ZNF385D: variants seen among roughly 807,000 people sequenced by gnomAD.
ZNF385D encodes zinc finger protein 385D.
A neutral mutation model predicts 35.8 loss-of-function variants in ZNF385D; 15 were observed. The ratio of observed to expected loss-of-function variants is 0.42; its 90% CI spans 0.28 to 0.64. The LOEUF is 0.64. Ranked by LOEUF, ZNF385D falls within the 30% of genes least tolerant of loss-of-function variation. The pLI, the probability that ZNF385D is intolerant of heterozygous loss-of-function variation, is 0.23. For synonymous variants in ZNF385D, 212 were observed against 186.8 expected, an observed-to-expected ratio of 1.13 and a Z score of -1.10; for missense variants, 474 against 494.6, an observed-to-expected ratio of 0.96 and a Z score of 0.39.
chr3:22,260,242 A>C (rs1456062046), intron 2 of ZNF385D, among the ~76,000 whole-genome samples: 1 of 152,052 alleles, frequency 6.6e-6, no homozygotes, highest in African/African-American at 2.4e-5. Flanking sequence ...ACAGGAACAG[A>C]AAACCAAACA....
chr3:21,925,718 C>T (rs1298140965), intron 3 of ZNF385D, among the ~76,000 whole-genome samples: 1 of 151,998 alleles, frequency 6.6e-6, no homozygotes, highest in Non-Finnish European at 1.5e-5. Context: ...TATTTACAAA[C>T]CAGATGTCCA....
chr3:21,641,653 T>A (rs867011232), intron 2 of ZNF385D, among the ~76,000 whole-genome samples: 181 of 140,670 alleles, frequency 1.3e-3, no homozygotes, highest in African/African-American at 4.5e-3. Flanking sequence ...TTTTTTTTTT[T>A]AATATAGAGA....
chr3:22,107,086 G>C (rs1702261461), intron 3 of ZNF385D, among the ~76,000 whole-genome samples: 1 of 144,412 alleles, frequency 6.9e-6, no homozygotes, highest in Non-Finnish European at 1.5e-5. Flanking sequence ...GTGCAATGGA[G>C]TGATCTTGGT....
At chr3:22,188,256 C>T (rs17010983) in intron 2 of ZNF385D, among the ~76,000 whole-genome samples, 1 of 152,128 alleles carries the variant, frequency 6.6e-6, no homozygotes, top group Non-Finnish European at 1.5e-5. Flanking sequence ...TAAGATACTG[C>T]TGGCAACACT....
At chr3:22,272,584 T>C (rs1286535771) in intron 2 of ZNF385D, among the ~76,000 whole-genome samples, 1 of 152,030 alleles carries the variant, frequency 6.6e-6, no homozygotes, top group Non-Finnish European at 1.5e-5. Flanking sequence ...TGATTTAGTT[T>C]AGGTATGGGC....
At chr3:22,178,739 AT>A (rs2125774774) in intron 2 of ZNF385D, among the ~76,000 whole-genome samples, 1 of 152,300 alleles carries the variant, frequency 6.6e-6, no homozygotes, top group South Asian at 2.1e-4. Context: ...TAAGTCTTTA[AT>A]TATCTTGAAT....
intron 3 of ZNF385D, among the ~76,000 whole-genome samples, chr3:21,815,626 C>T (rs933983977): frequency 1.3e-5 from 2 of 152,106 alleles, no homozygotes; most frequent in African/African-American, 2.4e-5. Context: ...CAAGACTAAA[C>T]CAGGAAGAAG....
At chr3:21,697,899 T>G (rs541407107) in intron 1 of ZNF385D, among the ~76,000 whole-genome samples, 1 of 152,272 alleles carries the variant, frequency 6.6e-6, no homozygotes, top group Non-Finnish European at 1.5e-5. Context: ...CACAGTGAGA[T>G]ACCATCTTAC....
At chr3:21,855,272 A>T (rs1376206547) in intron 3 of ZNF385D, among the ~76,000 whole-genome samples, 4 of 152,076 alleles carry the variant, frequency 2.6e-5, no homozygotes, top group African/African-American at 9.7e-5. Flanking sequence ...GCTGATAAAA[A>T]AAATTTTACT....
At chr3:21,680,746 T>G (rs2066872897) in intron 1 of ZNF385D, among the ~76,000 whole-genome samples, 1 of 152,210 alleles carries the variant, frequency 6.6e-6, no homozygotes, top group Non-Finnish European at 1.5e-5. Context: ...GGGGAAATCT[T>G]GATAACAACT....
At chr3:21,555,278 A>G (rs1241797709) in intron 3 of ZNF385D, among the ~76,000 whole-genome samples, 1 of 151,924 alleles carries the variant, frequency 6.6e-6, no homozygotes, top group Non-Finnish European at 1.5e-5. Context: ...CAGGTTTGTT[A>G]CATAGGTATA....
intron 3 of ZNF385D, chr3:21,542,831 C>A (rs1282655204): frequency 1.3e-5 from 2 of 151,976 alleles, no homozygotes. Flanking sequence ...CCCTTTTTTT[C>A]TTCCCGCCGA....
At chr3:22,276,193 T>C (rs1333261463) in intron 2 of ZNF385D, among the ~76,000 whole-genome samples, 1 of 152,148 alleles carries the variant, frequency 6.6e-6, no homozygotes, top group Non-Finnish European at 1.5e-5. Flanking sequence ...TCTTTTAAAG[T>C]GTACATTTCT....
intron 4 of ZNF385D, among the ~76,000 whole-genome samples, chr3:21,449,886 A>G (rs1478947098): frequency 6.6e-6 from 1 of 152,116 alleles, no homozygotes. Flanking sequence ...GTGGACAGAG[A>G]GTGTGTGAGG....
chr3:21,433,753 G>A (rs959443917), intron 5 of ZNF385D, among the ~76,000 whole-genome samples: 3 of 152,094 alleles, frequency 2.0e-5, no homozygotes, highest in Admixed American at 6.6e-5. Flanking sequence ...TAACATCAGC[G>A]ATAAAGGACT....
intron 2 of ZNF385D, among the ~76,000 whole-genome samples, chr3:22,292,423 T>C (rs908772233): frequency 6.6e-6 from 1 of 152,078 alleles, no homozygotes. Flanking sequence ...ATAAAGCCAT[T>C]GTAGGCTTTA....
chr3:21,444,110 C>T (rs374604013), intron 4 of ZNF385D, among the ~76,000 whole-genome samples: 14 of 139,408 alleles, frequency 1.0e-4, no homozygotes, highest in South Asian at 2.3e-4. Context: ...GACAGAGTCT[C>T]GCTCTGTCAC....
At chr3:21,944,087 C>G (rs1189498270) in intron 3 of ZNF385D, among the ~76,000 whole-genome samples, 2 of 152,018 alleles carry the variant, frequency 1.3e-5, no homozygotes, top group Admixed American at 6.6e-5. Context: ...CTGTATTGTA[C>G]TTAAGTAAAA....
At chr3:21,927,569 T>C (rs1441912551) in intron 3 of ZNF385D, among the ~76,000 whole-genome samples, 1 of 152,194 alleles carries the variant, frequency 6.6e-6, no homozygotes, top group African/African-American at 2.4e-5. Context: ...ATTTTTAAAG[T>C]TGAACTATAT....
Sources: gnomAD v4.1 joint callset for allele counts (sites outside exome capture counted in the v4.1 genomes callset) on GRCh38, gnomAD v4.1.1 for gene constraint, MANE v1.5 for transcripts, NCBI Gene and HGNC (gene_info 2026-07-23, HGNC 2026-07-21) for gene names.